The following FSTL5 variants were observed in gnomAD, a reference collection of about 807,000 sequenced individuals.
FSTL5 encodes the protein follistatin-related protein 5.
In FSTL5, 62 loss-of-function variants were observed where a neutral mutation model predicts 89.1. The observed-to-expected ratio is 0.70, with a 90% confidence interval of 0.57 to 0.86. The LOEUF (loss-of-function observed/expected upper bound fraction) is 0.86. Ranked by LOEUF, FSTL5 falls within the 40% of genes least tolerant of loss-of-function variation. The pLI, the probability that FSTL5 is intolerant of heterozygous loss-of-function variation, is 0.00. For synonymous variants in FSTL5, 383 were observed against 346.2 expected, an observed-to-expected ratio of 1.11 and a Z score of -1.18; for missense variants, 1,057 against 1,001.6, an observed-to-expected ratio of 1.06 and a Z score of -0.75.
chr4:161,605,748 T>G (rs1734417066), intron 7 of FSTL5, among the ~76,000 whole-genome samples: 1 of 152,196 alleles, frequency 6.6e-6, no homozygotes, highest in African/African-American at 2.4e-5. Context: ...AGATAAGTCT[T>G]TTCAACAGCG....
At chr4:162,025,018 C>A (rs1737227228) in intron 3 of FSTL5, among the ~76,000 whole-genome samples, 1 of 151,912 alleles carries the variant, frequency 6.6e-6, no homozygotes, top group Non-Finnish European at 1.5e-5. Context: ...GCTTTACTTC[C>A]CCCAAAATAA....
chr4:161,588,717 A>G (rs888077270), intron 7 of FSTL5, among the ~76,000 whole-genome samples: 1 of 152,176 alleles, frequency 6.6e-6, no homozygotes, highest in Non-Finnish European at 1.5e-5. Flanking sequence ...GGCAAAATTT[A>G]TGTGGCATTT....
intron 2 of FSTL5, among the ~76,000 whole-genome samples, chr4:162,074,493 T>C (rs1729757146): frequency 6.6e-6 from 1 of 151,802 alleles, no homozygotes; most frequent in Non-Finnish European, 1.5e-5. Flanking sequence ...GAATTGACAT[T>C]AATACATCAT....
At chr4:161,922,518 T>C (rs1474528747) in intron 3 of FSTL5, among the ~76,000 whole-genome samples, 1 of 151,976 alleles carries the variant, frequency 6.6e-6, no homozygotes, top group East Asian at 1.9e-4. Flanking sequence ...GTTGTTAATA[T>C]ACAAATTTTT....
intron 10 of FSTL5, among the ~76,000 whole-genome samples, chr4:161,515,199 G>A (rs1286628024): frequency 1.3e-5 from 2 of 151,546 alleles, no homozygotes; most frequent in South Asian, 4.2e-4. Context: ...TTCTCTTTTT[G>A]TTTGTTTCTT....
chr4:161,472,383 T>C (rs1405420595), intron 13 of FSTL5, among the ~76,000 whole-genome samples: 1 of 152,186 alleles, frequency 6.6e-6, no homozygotes, highest in African/African-American at 2.4e-5. Context: ...CTGCTAGCTC[T>C]GACTTTAGCT....
At chr4:161,546,179 A>C (rs1330430137) in intron 8 of FSTL5, among the ~76,000 whole-genome samples, 1 of 151,246 alleles carries the variant, frequency 6.6e-6, no homozygotes, top group Non-Finnish European at 1.5e-5. Context: ...GTCAGAAAAA[A>C]ATCATAGCCA....
intron 4 of FSTL5, among the ~76,000 whole-genome samples, chr4:161,776,369 A>G (rs1320256253): frequency 6.6e-6 from 1 of 151,994 alleles, no homozygotes; most frequent in African/African-American, 2.4e-5. Flanking sequence ...CTGGAAATTT[A>G]TTTCAACGTT....
chr4:162,103,510 A>G (rs1731085407), intron 2 of FSTL5, among the ~76,000 whole-genome samples: 1 of 152,228 alleles, frequency 6.6e-6, no homozygotes, highest in Admixed American at 6.5e-5. Flanking sequence ...GTTTCTGCAC[A>G]TCTTGTGAGC....
At position 161,458,703 on chromosome 4, in the gene FSTL5, C is replaced by T. The variant is rs561089784; in HGVS notation, c.1716+509G>A. On this transcript the variant is annotated intron_variant, in intron 14 of 15. Coordinates refer to ENST00000306100, the MANE Select transcript of FSTL5 (RefSeq NM_020116.5). ...AAGGACTGCTCCAAAGGGTCATGACCAAAATGCAGATTTTCTTTTTCTGTA... is the reference window on the plus strand; with the variant it reads ...AAGGACTGCTCCAAAGGGTCATGACTAAAATGCAGATTTTCTTTTTCTGTA... Among the ~76,000 whole-genome samples the T allele has an allele frequency of 9.2e-5, 14 of 152,190 alleles. No homozygotes were observed. In the South Asian group the frequency reaches 2.7e-3, roughly 29 times the overall value.
chr4:161,669,111 C>CAAAAAAAAA (rs33950474), intron 6 of FSTL5, among the ~76,000 whole-genome samples: 1 of 104,650 alleles, frequency 9.6e-6, no homozygotes, highest in African/African-American at 3.5e-5. Context: ...GACTCTGTCT[C>CAAAAAAAAA]AAAAAAAAAA....
chr4:161,462,604 G>A (rs926350344), intron 13 of FSTL5, among the ~76,000 whole-genome samples: 6 of 152,076 alleles, frequency 3.9e-5, no homozygotes, highest in Non-Finnish European at 8.8e-5. Flanking sequence ...ATAAAATGGA[G>A]ACTGTAATAA....
chr4:162,153,759 T>TTATATGTATACATATATATGTATA (rs371894175), intron 1 of FSTL5, among the ~76,000 whole-genome samples: 7 of 100,130 alleles, frequency 7.0e-5, no homozygotes, highest in Non-Finnish European at 1.2e-4. Context: ...TACATGTATA[T>TTATATGTATACATATATATGTATA]ATACATGTAT....
intron 3 of FSTL5, among the ~76,000 whole-genome samples, chr4:162,032,917 A>C (rs564479732): frequency 6.6e-6 from 1 of 152,272 alleles, no homozygotes; most frequent in African/African-American, 2.4e-5. Flanking sequence ...TTGGGAAGGG[A>C]AAGGTGAGCA....
chr4:162,023,152 T>C (rs1461871305), intron 3 of FSTL5, among the ~76,000 whole-genome samples: 1 of 152,118 alleles, frequency 6.6e-6, no homozygotes, highest in Non-Finnish European at 1.5e-5. Context: ...TTTAGGTGAT[T>C]TTCGTTACTT....
At chr4:161,882,429 C>A (rs979877338) in intron 4 of FSTL5, among the ~76,000 whole-genome samples, 3 of 152,090 alleles carry the variant, frequency 2.0e-5, no homozygotes, top group Non-Finnish European at 4.4e-5. Flanking sequence ...AATTGTATCA[C>A]TTGGAAAATT....
chr4:161,718,382 T>C (rs148343636), intron 6 of FSTL5, among the ~76,000 whole-genome samples: 2,499 of 152,290 alleles, frequency 0.016, 31 homozygotes, highest in Admixed American at 0.029. Flanking sequence ...TTGTTTTATA[T>C]TAATTTTTAC....
intron 4 of FSTL5, among the ~76,000 whole-genome samples, chr4:161,893,895 T>C (rs545591295): frequency 1.3e-5 from 2 of 152,178 alleles, no homozygotes; most frequent in African/African-American, 2.4e-5. Flanking sequence ...AATATTTTCA[T>C]TGCATTTCAG....
intron 7 of FSTL5, among the ~76,000 whole-genome samples, chr4:161,611,762 C>T (rs1456598227): frequency 6.6e-6 from 1 of 152,142 alleles, no homozygotes; most frequent in African/African-American, 2.4e-5. Context: ...GTCTCTCTAT[C>T]AGGAGGTAAC....
Sources: gnomAD v4.1 joint callset for allele counts (sites outside exome capture counted in the v4.1 genomes callset) on GRCh38, gnomAD v4.1.1 for gene constraint, MANE v1.5 for transcripts, NCBI Gene and HGNC (gene_info 2026-07-23, HGNC 2026-07-21) for gene names.